The following BICDL1 variants were observed in gnomAD, a reference collection of about 807,000 sequenced individuals.
BICDL1 encodes the protein BICD family like cargo adaptor 1, also known as BICD family-like cargo adapter 1.
BICDL1 carries 20 observed loss-of-function variants against 76.8 expected under a neutral mutation model. The ratio of observed to expected loss-of-function variants is 0.26; its 90% CI spans 0.18 to 0.38. The LOEUF (loss-of-function observed/expected upper bound fraction) is 0.38, where lower values mean the gene tolerates loss of function less well. Ranked by LOEUF, BICDL1 falls within the 10% of genes least tolerant of loss-of-function variation. BICDL1 has a pLI of 1.00. For synonymous variants in BICDL1, 383 were observed against 337.1 expected (o/e 1.14, Z -1.49); for missense variants, 700 against 798.6 (o/e 0.88, Z 1.49).
chr12:120,055,624 GA>G (rs1420733998), intron 2 of BICDL1, among the ~76,000 whole-genome samples: 1 of 152,192 alleles, frequency 6.6e-6, no homozygotes, highest in Non-Finnish European at 1.5e-5. Flanking sequence ...TTCTGTAACA[GA>G]ACTAGAGATA....
chr12:120,004,528 T>G (rs919793484), intron 2 of BICDL1, among the ~76,000 whole-genome samples: 2 of 152,142 alleles, frequency 1.3e-5, no homozygotes, highest in Non-Finnish European at 1.5e-5. Context: ...AGCCTGTACT[T>G]TAAACTAGAA....
intron 9 of BICDL1, among the ~76,000 whole-genome samples, chr12:120,090,555 C>A (rs1468339082): frequency 6.6e-6 from 1 of 150,972 alleles, no homozygotes; most frequent in East Asian, 2.0e-4. Flanking sequence ...GGGTCCCTCT[C>A]TAGACCCACT....
At chr12:120,034,668 T>G (rs945890383) in intron 2 of BICDL1, among the ~76,000 whole-genome samples, 3 of 152,198 alleles carry the variant, frequency 2.0e-5, no homozygotes, top group African/African-American at 7.2e-5. Context: ...GTCTCACAAT[T>G]CTGCATTCAA....
chr12:120,069,520 G>A (rs1039531937), intron 4 of BICDL1, among the ~76,000 whole-genome samples: 74 of 152,254 alleles, frequency 4.9e-4, no homozygotes, highest in African/African-American at 1.5e-3. Context: ...AAGGGTTTTC[G>A]GAAAGTCACT....
At chr12:120,059,363 G>T (rs1020899686) in intron 2 of BICDL1, among the ~76,000 whole-genome samples, 2 of 152,004 alleles carry the variant, frequency 1.3e-5, no homozygotes, top group Non-Finnish European at 2.9e-5. Context: ...TCCACCTCCC[G>T]TGTCCCAGTT....
intron 2 of BICDL1, among the ~76,000 whole-genome samples, chr12:120,025,049 CTTT>C (rs200425537): frequency 7.0e-5 from 9 of 127,852 alleles, no homozygotes; most frequent in African/African-American, 6.0e-5. Context: ...TACTTTCTTT[CTTT>C]TTTTTTTTTT....
At chr12:120,068,185 G>C (rs1394999195) in intron 4 of BICDL1, among the ~76,000 whole-genome samples, 1 of 152,232 alleles carries the variant, frequency 6.6e-6, no homozygotes, top group Non-Finnish European at 1.5e-5. Flanking sequence ...GGAGCCACAA[G>C]CCAACTCAGC....
chr12:120,056,985 A>G, intron 2 of BICDL1: 1 of 476,628 alleles, frequency 2.1e-6, no homozygotes, highest in Non-Finnish European at 4.2e-6. Context: ...CCTGGGTTGG[A>G]TAGGAGCCCA....
intron 4 of BICDL1, 23 bp downstream of exon 4, chr12:120,064,902 C>T: frequency 1.3e-6 from 2 of 1,585,718 alleles, no homozygotes; most frequent in Non-Finnish European, 1.7e-6. Flanking sequence ...AGAAGCTGTC[C>T]TGCAGGACTA....
At chr12:120,054,037 A>C (rs1952920269) in intron 2 of BICDL1, among the ~76,000 whole-genome samples, 1 of 151,404 alleles carries the variant, frequency 6.6e-6, no homozygotes, top group Admixed American at 6.6e-5. Flanking sequence ...TAAGCCAGGC[A>C]TGGTGGTGGG....
In BICDL1 at chr12:120,000,932, G is replaced by A. The variant is rs373204683; in HGVS notation, c.645+2196G>A. ...TTGATGGTTGTTTTACTAAAGCAGT[G>A]TCTTTATAATTTGTTCACTTTGCCT... On this transcript the variant is annotated intron_variant, in intron 2 of 9. Transcript: ENST00000548673. Among the ~76,000 whole-genome samples the A allele has an allele frequency of 4.6e-5, 7 of 152,188 alleles. No homozygotes were observed. In the East Asian group the frequency reaches 9.6e-4, roughly 21 times the overall value.
chr12:120,053,679 C>G (rs573838072), intron 2 of BICDL1, among the ~76,000 whole-genome samples: 3 of 152,292 alleles, frequency 2.0e-5, no homozygotes, highest in South Asian at 4.2e-4. Context: ...CTGCCCCAAC[C>G]CTGAAACTAG....
At chr12:120,092,453 A>C (rs1187024344) in intron 9 of BICDL1, 1 of 985,368 alleles carries the variant, frequency 1.0e-6, no homozygotes, top group Non-Finnish European at 1.2e-6. Flanking sequence ...CACCCAGGGC[A>C]TCCTTGCCAC....
intron 4 of BICDL1, among the ~76,000 whole-genome samples, chr12:120,070,806 A>G (rs1164763913): frequency 6.7e-6 from 1 of 149,948 alleles, no homozygotes; most frequent in Non-Finnish European, 1.5e-5. Context: ...ATCTCGGCTC[A>G]CTGTCACCTC....
chr12:120,044,617 C>T (rs962098260), intron 2 of BICDL1, among the ~76,000 whole-genome samples: 1 of 152,212 alleles, frequency 6.6e-6, no homozygotes, highest in Non-Finnish European at 1.5e-5. Flanking sequence ...TTTCAGCTTT[C>T]TACATATGGC....
chr12:119,992,729 C>T (rs1345348440), intron 1 of BICDL1: 3 of 151,982 alleles, frequency 2.0e-5, no homozygotes, highest in Non-Finnish European at 4.4e-5. Context: ...AAAACCAGTA[C>T]TTTAAGACGC....
At chr12:120,069,673 A>G (rs1197448783) in intron 4 of BICDL1, among the ~76,000 whole-genome samples, 1 of 151,638 alleles carries the variant, frequency 6.6e-6, no homozygotes, top group Admixed American at 6.6e-5. Context: ...TTTCCAAGCT[A>G]CTCTTTTTCC....
chr12:120,003,240 C>G (rs538920111), intron 2 of BICDL1, among the ~76,000 whole-genome samples: 7 of 151,434 alleles, frequency 4.6e-5, no homozygotes, highest in African/African-American at 1.7e-4. Flanking sequence ...GGGTGAGGAG[C>G]CAGCTGTGGA....
At chr12:119,997,316 T>C (rs188525910) in intron 1 of BICDL1, among the ~76,000 whole-genome samples, 1 of 152,208 alleles carries the variant, frequency 6.6e-6, no homozygotes, top group African/African-American at 2.4e-5. Flanking sequence ...TTAAACCATA[T>C]GTACTTTTCC....
Sources: gnomAD v4.1 joint callset for allele counts (sites outside exome capture counted in the v4.1 genomes callset) on GRCh38, gnomAD v4.1.1 for gene constraint, MANE v1.5 for transcripts, NCBI Gene and HGNC (gene_info 2026-07-23, HGNC 2026-07-21) for gene names.